ZNF787: variants seen among roughly 807,000 people sequenced by gnomAD.
ZNF787 encodes zinc finger protein 787, also known as TTF-I-interacting peptide 20.
Under a neutral mutation model 16.9 loss-of-function variants are expected in ZNF787, and 7 were observed. The observed-to-expected ratio is 0.42, with a 90% CI of 0.24 to 0.78. The LOEUF is 0.78. Ranked by LOEUF, ZNF787 falls within the 30% of genes least tolerant of loss-of-function variation. The probability of loss-of-function intolerance (pLI) is 0.30; values close to 1 mark genes in which losing one functional copy is unlikely to be tolerated. For synonymous variants in ZNF787, 345 were observed against 270.9 expected, an observed-to-expected ratio of 1.27 and a Z score of -2.69; for missense variants, 551 against 589.3, an observed-to-expected ratio of 0.94 and a Z score of 0.67.
At chr19:56,102,507 G>A in intron 2 of ZNF787, 1 of 214,406 alleles carries the variant, frequency 4.7e-6, no homozygotes. Flanking sequence ...AAGCAAACCT[G>A]GGCCCCACGT....
Position 56,088,419 on chromosome 19 carries a change from C to A in ZNF787, c.753G>T (p.Glu251Asp). 8.7e-7 allele frequency: 1 copy of A among 1,153,036 alleles called. No homozygotes were observed. Among genetic ancestry groups the A allele is most frequent in the Non-Finnish European group, 1.1e-6 (1 of 938,082 alleles). 71.4% of individuals were successfully genotyped at this position (1,153,036 alleles called of 1,614,324 possible). ...EGIIVVGAPG[E>D]GAAAAAAMAG... is the part of the protein sequence containing the mutation. The stretch of plus-strand genomic sequence containing the variant: ...CCATGGCTGCCGCGGCCGCGGCCCC[C>A]TCGCCCGGCGCGCCCACCACGATGA... The change falls in exon 3 of 3, where the codon GAG becomes GAT. Residue 251 changes from glutamate to aspartate, a missense_variant. By Grantham distance (45) the Glu-to-Asp change is conservative. This residue lies in a region of ZNF787 where 392 missense variants were observed against 312.7 expected (regional missense o/e 1.25). Coordinates refer to ENST00000610935, the MANE Select transcript of ZNF787 (RefSeq NM_001002836.4). The surrounding 1 kb of genome is among the most constrained non-coding windows in gnomAD (Gnocchi z 8.6).
chr19:56,093,265 T>C (rs955109444), intron 2 of ZNF787, among the ~76,000 whole-genome samples: 1 of 145,256 alleles, frequency 6.9e-6, no homozygotes, highest in African/African-American at 2.6e-5. Context: ...AGATATTCCA[T>C]AGATACAGGG....
chr19:56,107,387 C>T lies in ZNF787; in HGVS notation c.-10-4160G>A, dbSNP rs530249620. Among the ~76,000 whole-genome samples, 59 of 152,276 alleles carry T rather than the reference C, an allele frequency of 3.9e-4. No homozygotes were observed. The South Asian group carries it at 6.0e-3, about 15-fold the overall frequency. On this transcript the variant is annotated intron_variant, in intron 1 of 2. Coordinates refer to ENST00000610935, the MANE Select transcript of ZNF787 (RefSeq NM_001002836.4). ...ACATGAAGGCCGCGCTCTCCAGGGT[C>T]CTCATTTACTGAGCACCTGCGAGGA...
intron 2 of ZNF787, 107 bp downstream of exon 2, chr19:56,103,032 C>CA: frequency 7.5e-7 from 1 of 1,330,230 alleles, no homozygotes; most frequent in Non-Finnish European, 1.1e-6. Flanking sequence ...CCCAGGGCCC[C>CA]AAGAGGGGAA....
In ZNF787 at chr19:56,087,994, C is replaced by CGGGGG; in HGVS notation, c.*28_*29insCCCCC. 1.6e-6 allele frequency: 2 copies of CGGGGG among 1,248,930 alleles called. No homozygotes were observed. The highest frequency in any genetic ancestry group is 3.7e-5 in the East Asian group (1 of 26,824). 77.4% of individuals were successfully genotyped at this position (1,248,930 alleles called of 1,614,324 possible). A position where few individuals can be genotyped will look rare whatever the true frequency, so the allele number is the denominator to read the frequency against. On this transcript the variant is annotated 3_prime_UTR_variant, in exon 3 of 3. Coordinates refer to ENST00000610935, the MANE Select transcript of ZNF787 (RefSeq NM_001002836.4). ...TCGCTCCCGCCAAGCCCGAGGGGCC[C>CGGGGG]TGCCCGCCCCCCCCCCCGGGCCCCT...
Position 56,088,660 on chromosome 19 carries a change from G to C in ZNF787, c.512C>G (p.Ser171Trp). ...QSKSLAKHRR[S>W]HSGLKPFVCP... ...CACGAAGGGCTTGAGGCCGCTGTGC[G>C]AGCGCCGGTGCTTGGCCAGGCTCTT... Residue 171 changes from serine (S) to tryptophan (W), a missense_variant, in exon 3 of 3, where the codon TCG (serine) becomes TGG (tryptophan). Physicochemically the swap from Ser to Trp is radical, Grantham distance 177 (BLOSUM62 -3). This residue lies in a region of ZNF787 where 40 missense variants were observed against 60.7 expected (regional missense o/e 0.66). Coordinates refer to ENST00000610935, the MANE Select transcript of ZNF787 (RefSeq NM_001002836.4). The surrounding 1 kb of genome is among the most constrained non-coding windows in gnomAD (Gnocchi z 8.6). 1 of 1,565,050 alleles carries C rather than the reference G, an allele frequency of 6.4e-7. No individual in the cohort carries two copies. The highest frequency in any genetic ancestry group is 8.6e-7 in the Non-Finnish European group (1 of 1,161,772).
In ZNF787 at chr19:56,087,995, T is replaced by TGGGCG; in HGVS notation, c.*27_*28insCGCCC. The stretch of plus-strand genomic sequence containing the variant: ...CGCTCCCGCCAAGCCCGAGGGGCCC[T>TGGGCG]GCCCGCCCCCCCCCCCGGGCCCCTC... On this transcript the variant is annotated 3_prime_UTR_variant, in exon 3 of 3. Coordinates refer to ENST00000610935, the MANE Select transcript of ZNF787 (RefSeq NM_001002836.4). 9.0e-7 allele frequency: 1 copy of TGGGCG among 1,106,478 alleles called. No individual in the cohort carries two copies. The highest frequency in any genetic ancestry group is 1.1e-6 in the Non-Finnish European group (1 of 907,478). The allele number at this position is 1,106,478 out of a possible 1,614,324, so 68.5% of individuals were successfully genotyped here.
intron 2 of ZNF787, among the ~76,000 whole-genome samples, chr19:56,092,051 A>AAAGCCGAAACCGAAGCCGAAG (rs1568523640): frequency 6.7e-6 from 1 of 148,760 alleles, no homozygotes; most frequent in African/African-American, 2.5e-5. Flanking sequence ...CCGAAGCCTC[A>AAAGCCGAAACCGAAGCCGAAG]CCCTCACCCT....
chr19:56,097,946 T>C (rs1430302003), intron 2 of ZNF787, among the ~76,000 whole-genome samples: 3 of 149,656 alleles, frequency 2.0e-5, no homozygotes, highest in Admixed American at 6.6e-5. Flanking sequence ...AGAAGAGGCA[T>C]GGAGACTTTT....
chr19:56,091,948 A>AAACCGAAACCGAAACCG (rs1270933861), intron 2 of ZNF787, among the ~76,000 whole-genome samples: 1 of 25,400 alleles, frequency 3.9e-5, no homozygotes, highest in African/African-American at 5.4e-5. Context: ...AGCCAAAGCC[A>AAACCGAAACCGAAACCG]AAGCCGAAAC....
chr19:56,111,500 G>A (rs904678708), intron 1 of ZNF787, among the ~76,000 whole-genome samples: 1 of 152,134 alleles, frequency 6.6e-6, no homozygotes, highest in Non-Finnish European at 1.5e-5. Flanking sequence ...GGCCGACCCA[G>A]AGACCTCCAG....
intron 2 of ZNF787, among the ~76,000 whole-genome samples, chr19:56,098,627 C>T (rs1462653022): frequency 1.7e-5 from 2 of 119,584 alleles, no homozygotes; most frequent in Non-Finnish European, 3.5e-5. Flanking sequence ...TGATTACGGC[C>T]GCAGGGTGAT....
chr19:56,120,082 C>T (rs1030210844), intron 1 of ZNF787, among the ~76,000 whole-genome samples: 1 of 152,236 alleles, frequency 6.6e-6, no homozygotes, highest in Admixed American at 6.5e-5. Flanking sequence ...ACCTCTCCAT[C>T]AGGGGTCTGG....
At position 56,088,866 on chromosome 19, in the gene ZNF787, G is replaced by A. The variant is rs759269871; in HGVS notation, c.306C>T (p.Thr102=). Reference sequence around the variant, plus strand: ...GCACCAGGTGCGAGCTCTGCGAGAAGGTCTTGCCGCAGTCGGCGCAGGCGT... The same window carrying A: ...GCACCAGGTGCGAGCTCTGCGAGAAAGTCTTGCCGCAGTCGGCGCAGGCGT... The part of the protein sequence containing the change: ...RPNACADCGK[T]FSQSSHLVQH... The change falls in exon 3 of 3, where the codon ACC becomes ACT. Residue 102 remains threonine, a synonymous_variant. Transcript: ENST00000610935. This position sits in a 1 kb window ranked among gnomAD's most constrained non-coding sequence, Gnocchi z 8.6. 5.0e-6 allele frequency: 8 copies of A among 1,609,176 alleles called. No individual in the cohort carries two copies. Among genetic ancestry groups the A allele is most frequent in the Non-Finnish European group, 5.9e-6 (7 of 1,177,632 alleles).
At chr19:56,115,577 C>A (rs900364794) in intron 1 of ZNF787, among the ~76,000 whole-genome samples, 5 of 152,044 alleles carry the variant, frequency 3.3e-5, no homozygotes, top group African/African-American at 1.2e-4. Flanking sequence ...CCAGGATGGT[C>A]GCTGCTCTAT....
At chr19:56,111,675 C>A (rs1056446290) in intron 1 of ZNF787, among the ~76,000 whole-genome samples, 2 of 152,054 alleles carry the variant, frequency 1.3e-5, no homozygotes, top group African/African-American at 4.8e-5. Flanking sequence ...CCGTGGCGAC[C>A]TGGGACAGGG....
chr19:56,090,221 G>T lies in ZNF787; in HGVS notation c.80-1129C>A, dbSNP rs575865814. On this transcript the variant is annotated intron_variant, in intron 2 of 2. Coordinates refer to ENST00000610935, the MANE Select transcript of ZNF787 (RefSeq NM_001002836.4). ...CAAACACGCAAGGAAGGGCCATGACGCCCCCCTGCGCTACACACTTCAGCG... is the reference window on the plus strand; with the variant it reads ...CAAACACGCAAGGAAGGGCCATGACTCCCCCCTGCGCTACACACTTCAGCG... Among the ~76,000 whole-genome samples the T allele has an allele frequency of 1.6e-4, 25 of 152,176 alleles. No individual in the cohort carries two copies. In the East Asian group the frequency reaches 4.6e-3, roughly 28 times the overall value.
rs115035341 is a variant in ZNF787 at position 56,087,716 on chromosome 19, C to T, written c.*307G>A. On this transcript the variant is annotated 3_prime_UTR_variant, in exon 3 of 3. Coordinates refer to ENST00000610935, the MANE Select transcript of ZNF787 (RefSeq NM_001002836.4). ...AGGAAGAGCAGGGAAAATGGCCTTC[C>T]GCTTGGGGCCTGGTCGCCACTCGGC... 1,914 of 243,758 alleles carry T rather than the reference C, an allele frequency of 7.9e-3. 39 individuals are homozygous for T. Among genetic ancestry groups the T allele is most frequent in the African/African-American group, 0.042 (1,818 of 43,760 alleles). The allele number at this position is 243,758 out of a possible 1,614,324, so 15.1% of individuals were successfully genotyped here.
At chr19:56,106,857 T>G (rs140859629) in intron 1 of ZNF787, among the ~76,000 whole-genome samples, 483 of 33,522 alleles carry the variant, frequency 0.014, 4 homozygotes, top group Middle Eastern at 0.045. Context: ...GGCTTCCACC[T>G]GAGCACCACA....
Sources: gnomAD v4.1 joint callset for allele counts (sites outside exome capture counted in the v4.1 genomes callset) on GRCh38, gnomAD v4.1.1 for gene constraint, gnomAD v4.1.1 regional missense constraint, Gnocchi (gnomAD v3.1) non-coding constraint, MANE v1.5 for transcripts, NCBI Gene and HGNC (gene_info 2026-07-23, HGNC 2026-07-21) for gene names.